MID1: variants seen among roughly 807,000 people sequenced by gnomAD.
MID1 encodes the protein E3 ubiquitin-protein ligase Midline-1.
A neutral mutation model predicts 40.4 loss-of-function variants in MID1; 7 were observed. The observed-to-expected ratio is 0.17, with a 90% CI of 0.10 to 0.33. The LOEUF is 0.33. Ranked by LOEUF, MID1 falls within the 10% of genes least tolerant of loss-of-function variation. The pLI, the probability that MID1 is intolerant of heterozygous loss-of-function variation, is 1.00. For synonymous variants in MID1, 229 were observed against 221.2 expected (o/e 1.04, Z -0.31); for missense variants, 367 against 558.5 (o/e 0.66, Z 3.46).
intron 1 of MID1, among the ~76,000 whole-genome samples, chrX:10,757,631 G>T (rs1308199768): frequency 1.8e-5 from 2 of 111,824 alleles, no homozygotes; most frequent in Non-Finnish European, 3.8e-5. Flanking sequence ...CATTAGAAAA[G>T]AACTTTTTCA....
chrX:10,640,507 T>G (rs1361500072), intron 1 of MID1, among the ~76,000 whole-genome samples: 2 of 111,316 alleles, frequency 1.8e-5, no homozygotes, highest in Non-Finnish European at 3.8e-5. Flanking sequence ...GCACCCAGAT[T>G]CATAAAGCAA....
At chrX:10,699,634 C>T (rs979215869) in intron 1 of MID1, among the ~76,000 whole-genome samples, 1 of 111,464 alleles carries the variant, frequency 9.0e-6, no homozygotes, top group African/African-American at 3.3e-5. Flanking sequence ...TTATGTTGTA[C>T]TTCTTGCTGG....
rs1320096915 is a variant in MID1, at chrX:10,609,677, G to C, written c.-57+10613C>G. On this transcript the variant is annotated intron_variant, in intron 1 of 9. Transcript: ENST00000317552. Reference sequence around the variant, plus strand: ...TTGTCAAAAAAACCCATCAAACATCGTTGTACTAGACCTGGCATTTTCTTT... The same window carrying C: ...TTGTCAAAAAAACCCATCAAACATCCTTGTACTAGACCTGGCATTTTCTTT... Among the ~76,000 whole-genome samples, 3 of 106,182 alleles carry C rather than the reference G, an allele frequency of 2.8e-5. No individual in the cohort carries two copies. In the East Asian group the frequency reaches 8.8e-4, roughly 31 times the overall value. 92.2% of individuals were successfully genotyped at this position (106,182 alleles called of 115,157 possible).
chrX:10,556,115 T>C (rs1251930207), intron 2 of MID1, among the ~76,000 whole-genome samples: 1 of 110,552 alleles, frequency 9.0e-6, no homozygotes, highest in Non-Finnish European at 1.9e-5. Context: ...AAAAGAAAGC[T>C]AGCCCCCTGA....
intron 1 of MID1, among the ~76,000 whole-genome samples, chrX:10,669,596 G>T (rs186460340): frequency 8.9e-6 from 1 of 111,959 alleles, no homozygotes; most frequent in Non-Finnish European, 1.9e-5. Context: ...ACATTTAGAA[G>T]GTTCACAGAA....
intron 2 of MID1, among the ~76,000 whole-genome samples, chrX:10,536,348 C>T (rs1933253465): frequency 8.9e-6 from 1 of 112,462 alleles, no homozygotes; most frequent in South Asian, 3.6e-4. Context: ...CTGTGTTTTA[C>T]AAAAAATATT....
intron 1 of MID1, among the ~76,000 whole-genome samples, chrX:10,750,336 T>C (rs2043588968): frequency 9.0e-6 from 1 of 111,427 alleles, no homozygotes; most frequent in African/African-American, 3.3e-5. Flanking sequence ...GCCACCATTA[T>C]GAATTCCTGG....
At chrX:10,617,268 C>G (rs1231007645) in intron 1 of MID1, among the ~76,000 whole-genome samples, 8 of 112,000 alleles carry the variant, frequency 7.1e-5, no homozygotes, top group Non-Finnish European at 3.8e-5. Context: ...ATTGCCACCT[C>G]ATTCTCTCCT....
intron 7 of MID1, among the ~76,000 whole-genome samples, chrX:10,460,908 T>G (rs771519358): frequency 9.0e-6 from 1 of 110,975 alleles, no homozygotes; most frequent in Admixed American, 9.7e-5. Flanking sequence ...AATATATGCA[T>G]AGAATTTCAA....
intron 1 of MID1, among the ~76,000 whole-genome samples, chrX:10,653,661 G>A (rs1224195353): frequency 8.9e-6 from 1 of 112,767 alleles, no homozygotes; most frequent in South Asian, 3.6e-4. Context: ...TCAAAGAGTT[G>A]AAATATGAAA....
At chrX:10,748,684 A>G (rs1165144070) in intron 1 of MID1, among the ~76,000 whole-genome samples, 1 of 112,147 alleles carries the variant, frequency 8.9e-6, no homozygotes, top group African/African-American at 3.2e-5. Flanking sequence ...TTATCAATAT[A>G]CGCATTGGTG....
intron 7 of MID1, among the ~76,000 whole-genome samples, chrX:10,465,514 G>A (rs919557671): frequency 1.8e-5 from 2 of 110,310 alleles, no homozygotes; most frequent in Non-Finnish European, 3.8e-5. Context: ...GAAGGCGAAG[G>A]GAGTTTACAG....
intron 2 of MID1, among the ~76,000 whole-genome samples, chrX:10,552,078 C>T (rs1933931141): frequency 9.1e-6 from 1 of 110,482 alleles, no homozygotes; most frequent in African/African-American, 3.3e-5. Context: ...ACGTAAGCCA[C>T]TGTACATGGT....
At chrX:10,821,177 C>T (rs1392986866) in intron 1 of MID1, among the ~76,000 whole-genome samples, 1 of 111,859 alleles carries the variant, frequency 8.9e-6, no homozygotes, top group Non-Finnish European at 1.9e-5. Flanking sequence ...AGATACTGCT[C>T]ATTCAATAAA....
chrX:10,803,708 A>C (rs1377458874), intron 1 of MID1, among the ~76,000 whole-genome samples: 2 of 111,786 alleles, frequency 1.8e-5, no homozygotes, highest in Non-Finnish European at 3.8e-5. Context: ...TAGTTTGAAT[A>C]TGATATGGCT....
intron 1 of MID1, among the ~76,000 whole-genome samples, chrX:10,654,227 G>A (rs932472102): frequency 2.7e-5 from 3 of 111,823 alleles, no homozygotes; most frequent in African/African-American, 9.8e-5. Flanking sequence ...GTTTATTCAT[G>A]TACTTCCTCT....
At chrX:10,625,386 A>G (rs140186907), upstream of MID1, among the ~76,000 whole-genome samples, 1,628 of 112,722 alleles carry the variant, frequency 0.014, 28 homozygotes, top group African/African-American at 0.046. Flanking sequence ...TGGTTGAATA[A>G]GTGGGTACTA....
At chrX:10,514,247 A>G (rs909151384) in intron 3 of MID1, among the ~76,000 whole-genome samples, 3 of 112,308 alleles carry the variant, frequency 2.7e-5, no homozygotes, top group African/African-American at 9.7e-5. Context: ...GCAGACGATG[A>G]AAGGTTTGGA....
intron 1 of MID1, among the ~76,000 whole-genome samples, chrX:10,598,813 C>A (rs1206737941): frequency 1.8e-5 from 2 of 112,000 alleles, no homozygotes; most frequent in East Asian, 2.8e-4. Context: ...TGGCCAACAG[C>A]TCGATTTCAG....
Sources: allele counts gnomAD v4.1 joint callset (sites outside exome capture counted in the v4.1 genomes callset), GRCh38; gene constraint gnomAD v4.1.1; transcripts MANE v1.5; gene names NCBI Gene and HGNC (gene_info 2026-07-23, HGNC 2026-07-21).